Variants in TIAM2 observed in about 807,000 individuals in gnomAD.
TIAM2 encodes the protein TIAM Rac1 associated GEF 2, also known as rho guanine nucleotide exchange factor TIAM2.
Under a neutral mutation model 152.9 loss-of-function variants are expected in TIAM2, and 80 were observed. That is an observed-to-expected ratio of 0.52 (90% CI 0.44 to 0.63). The LOEUF (loss-of-function observed/expected upper bound fraction) is 0.63, where lower values mean the gene tolerates loss of function less well. Ranked by LOEUF, TIAM2 falls within the 30% of genes least tolerant of loss-of-function variation. TIAM2 has a pLI of 0.00. For synonymous variants in TIAM2, 804 were observed against 838.0 expected (o/e 0.96, Z 0.70); for missense variants, 1,965 against 2,120.1 (o/e 0.93, Z 1.44).
Position 155,137,194 on chromosome 6 carries a change from G to A in TIAM2, c.1212G>A (p.Glu404=), listed in dbSNP as rs1271304628. 6.2e-7 allele frequency: 1 copy of A among 1,613,158 alleles called. No homozygotes were observed. The highest frequency in any genetic ancestry group is 2.2e-5 in the East Asian group (1 of 44,866). Residue 404 remains glutamate (E), a synonymous_variant, in exon 5 of 27, where the codon GAG becomes GAA. Coordinates refer to ENST00000682666, the MANE Select transcript of TIAM2 (RefSeq NM_012454.4). ...KRKLQEPRSK[E]GSDYFDSRSD... is the part of the protein sequence containing the mutation. ...TCTCACAGGAGCCGAGGTCCAAGGAGGGCAGTGACTACTTTGACAGTCGCT... is the reference window on the plus strand; with the variant it reads ...TCTCACAGGAGCCGAGGTCCAAGGAAGGCAGTGACTACTTTGACAGTCGCT...
At chr6:154,999,531 A>G (rs573056657) in intron 1 of TIAM2, among the ~76,000 whole-genome samples, 13 of 152,004 alleles carry the variant, frequency 8.6e-5, no homozygotes, top group African/African-American at 2.7e-4. Context: ...TTATTTCTTT[A>G]TTATTTTCTA....
chr6:155,103,616 C>A lies in TIAM2; in HGVS notation c.-118+13237C>A, dbSNP rs989644677. Among the ~76,000 whole-genome samples the A allele has an allele frequency of 4.8e-5, 7 of 145,310 alleles. No homozygotes were observed. The Admixed American group carries it at 5.0e-4, about 10-fold the overall frequency. On this transcript the variant is annotated intron_variant, in intron 2 of 26. Transcript: ENST00000682666. ...GTGCATGCCTGTGATCCCAGCTACT[C>A]GGGAGGCTGAGGCAGGAGAATCACT...
Position 155,211,244 on chromosome 6 carries a change from G to C in TIAM2, c.3105G>C (p.Arg1035Ser). The change falls in exon 15 of 27, where the codon AGG becomes AGC. Residue 1035 changes from arginine to serine, a missense_variant. Transcript: ENST00000682666. The part of the protein sequence containing the change: ...NVPDITTGLK[R>S]SQTDGTLDQV... ...CTGATATCACAACAGGTCTGAAAAG[G>C]AGTCAGACAGATGGCACTCTGGATC... 1 of 1,613,584 alleles carries C rather than the reference G, an allele frequency of 6.2e-7. No homozygotes were observed. The highest frequency in any genetic ancestry group is 8.5e-7 in the Non-Finnish European group (1 of 1,179,624).
At chr6:155,042,734 A>G (rs752872954) in intron 1 of TIAM2, among the ~76,000 whole-genome samples, 4 of 152,206 alleles carry the variant, frequency 2.6e-5, no homozygotes, top group Non-Finnish European at 4.4e-5. Context: ...GCGGCTAAAT[A>G]ATATATGCAT....
chr6:155,063,735 T>C (rs1325538371), intron 1 of TIAM2, among the ~76,000 whole-genome samples: 1 of 140,596 alleles, frequency 7.1e-6, no homozygotes, highest in African/African-American at 2.7e-5. Flanking sequence ...TGAGCCAAGA[T>C]TGCATCACTG....
intron 2 of TIAM2, among the ~76,000 whole-genome samples, chr6:155,118,051 C>G (rs1000064855): frequency 2.0e-5 from 3 of 152,214 alleles, no homozygotes; most frequent in African/African-American, 7.2e-5. Context: ...ACTCCTTTCC[C>G]AGAGGGTGTT....
chr6:155,127,470 C>CT lies in TIAM2; in HGVS notation c.-117-18dup, dbSNP rs1223908065. On this transcript the variant is annotated intron_variant, in intron 2 of 26. Transcript: ENST00000682666. ...GGAGTAAAACGCTTCACAGAGTTTT[C>CT]TTGCGTTTCTGTTTTTCAGGCTCAC... is the stretch of plus-strand genomic sequence containing the variant. 2.3e-6 allele frequency: 1 copy of CT among 432,256 alleles called. No individual in the cohort carries two copies. The highest frequency in any genetic ancestry group is 2.0e-5 in the African/African-American group (1 of 48,816). The allele number at this position is 432,256 out of a possible 1,614,324, so 26.8% of individuals were successfully genotyped here. A position where few individuals can be genotyped will look rare whatever the true frequency, so the allele number is the denominator to read the frequency against.
At chr6:155,237,603 T>C (rs1782834286) in intron 15 of TIAM2, among the ~76,000 whole-genome samples, 1 of 152,244 alleles carries the variant, frequency 6.6e-6, no homozygotes, top group Non-Finnish European at 1.5e-5. Context: ...CCATACATTC[T>C]CTGAAATCTA....
At chr6:155,046,077 G>A (rs1777168441) in intron 1 of TIAM2, among the ~76,000 whole-genome samples, 1 of 151,646 alleles carries the variant, frequency 6.6e-6, no homozygotes, top group South Asian at 2.1e-4. Flanking sequence ...TTAACTCCGA[G>A]TTTGACACCC....
intron 23 of TIAM2, among the ~76,000 whole-genome samples, chr6:155,252,478 A>G (rs1783723894): frequency 6.6e-6 from 1 of 152,208 alleles, no homozygotes; most frequent in Non-Finnish European, 1.5e-5. Flanking sequence ...ATAAATACAT[A>G]AATAAGTAAA....
chr6:155,126,541 G>A (rs1303269177), intron 2 of TIAM2, among the ~76,000 whole-genome samples: 1 of 152,122 alleles, frequency 6.6e-6, no homozygotes, highest in Non-Finnish European at 1.5e-5. Flanking sequence ...AGAACAGTCT[G>A]ACCAACATGG....
At chr6:155,178,165 TAAAA>T (rs557378875) in intron 10 of TIAM2, among the ~76,000 whole-genome samples, 1 of 83,276 alleles carries the variant, frequency 1.2e-5, no homozygotes, top group East Asian at 3.3e-4. Context: ...CGTCTCAAAT[TAAAA>T]AAAAAAAAAA....
At position 155,174,926 on chromosome 6, in the gene TIAM2, A is replaced by C. The variant is rs1780725156; in HGVS notation, c.2362-1890A>C. Reference sequence around the variant, plus strand: ...GCTGGGTTTTAGTTTGCTTCTCAACAAGCCTGGTTTCAGAGGTGGGGCCTG... The same window carrying C: ...GCTGGGTTTTAGTTTGCTTCTCAACCAGCCTGGTTTCAGAGGTGGGGCCTG... On this transcript the variant is annotated intron_variant, in intron 9 of 26. Coordinates refer to ENST00000682666, the MANE Select transcript of TIAM2 (RefSeq NM_012454.4). This position sits in a 1 kb window ranked among gnomAD's most constrained non-coding sequence, Gnocchi z 4.2. Among the ~76,000 whole-genome samples the C allele has an allele frequency of 6.6e-6, 1 of 152,210 alleles. No individual in the cohort carries two copies. Among genetic ancestry groups the C allele is most frequent in the African/African-American group, 2.4e-5 (1 of 41,454 alleles).
chr6:155,179,229 C>G (rs943618059), intron 11 of TIAM2, 86 bp downstream of exon 11: 128 of 1,472,962 alleles, frequency 8.7e-5, no homozygotes, highest in Non-Finnish European at 1.1e-4. Flanking sequence ...GGGGAAAATT[C>G]TGTTTAAATT....
At chr6:155,099,033 C>T (rs992424282) in intron 2 of TIAM2, among the ~76,000 whole-genome samples, 2 of 151,998 alleles carry the variant, frequency 1.3e-5, no homozygotes, top group African/African-American at 4.8e-5. Context: ...ACTAAAAATA[C>T]AAAATTAGTC....
At chr6:155,194,081 C>T (rs1781275257) in intron 14 of TIAM2, among the ~76,000 whole-genome samples, 1 of 152,148 alleles carries the variant, frequency 6.6e-6, no homozygotes, top group Non-Finnish European at 1.5e-5. Context: ...AACTCATGTT[C>T]CAGGTTGATC....
chr6:155,096,621 T>G (rs1778424401), intron 2 of TIAM2, among the ~76,000 whole-genome samples: 1 of 152,218 alleles, frequency 6.6e-6, no homozygotes, highest in African/African-American at 2.4e-5. Flanking sequence ...TTTGTCTTTC[T>G]GTGCTTGGCT....
chr6:155,139,610 T>C (rs888080165), intron 5 of TIAM2, among the ~76,000 whole-genome samples: 1 of 152,182 alleles, frequency 6.6e-6, no homozygotes, highest in African/African-American at 2.4e-5. Flanking sequence ...GTCAGATAGC[T>C]ACCCAAGGAC....
chr6:155,053,377 A>T (rs1426112363), intron 1 of TIAM2, among the ~76,000 whole-genome samples: 3 of 149,156 alleles, frequency 2.0e-5, no homozygotes, highest in African/African-American at 7.4e-5. Flanking sequence ...CTGCTCTTGA[A>T]CTCTTGATCT....
Sources: gnomAD v4.1 joint callset for allele counts (sites outside exome capture counted in the v4.1 genomes callset) on GRCh38, gnomAD v4.1.1 for gene constraint, Gnocchi (gnomAD v3.1) non-coding constraint, MANE v1.5 for transcripts, NCBI Gene and HGNC (gene_info 2026-07-23, HGNC 2026-07-21) for gene names.